Variants in GLT1D1 observed in about 807,000 individuals in gnomAD.
GLT1D1 encodes the protein glycosyltransferase 1 domain containing 1, also known as glycosyltransferase 1 domain-containing protein 1.
Under a neutral mutation model 28.7 loss-of-function variants are expected in GLT1D1, and 21 were observed. The observed-to-expected ratio is 0.73, with a 90% CI of 0.52 to 1.05. GLT1D1 has a LOEUF of 1.05. Ranked by LOEUF, GLT1D1 falls within the 50% of genes least tolerant of loss-of-function variation. The pLI, the probability that GLT1D1 is intolerant of heterozygous loss-of-function variation, is 0.00. For synonymous variants in GLT1D1, 147 were observed against 124.8 expected, an observed-to-expected ratio of 1.18 and a Z score of -1.19; for missense variants, 343 against 330.6, an observed-to-expected ratio of 1.04 and a Z score of -0.29.
chr12:128,962,643 C>T lies in GLT1D1; in HGVS notation c.639+5000C>T, dbSNP rs568052674. Among the ~76,000 whole-genome samples, 36 of 152,234 alleles carry T rather than the reference C, an allele frequency of 2.4e-4. No homozygotes were observed. In the South Asian group the frequency reaches 3.7e-3, roughly 16 times the overall value. On this transcript the variant is annotated intron_variant, in intron 7 of 7. Transcript: ENST00000281703. The stretch of plus-strand genomic sequence containing the variant: ...CTGCTGTTGAAGAGCGGCTGAAAGT[C>T]GATTCTTATGTGGGTATTACCGATT...
chr12:128,934,670 A>C (rs1282487657), intron 4 of GLT1D1, among the ~76,000 whole-genome samples: 1 of 152,152 alleles, frequency 6.6e-6, no homozygotes, highest in East Asian at 1.9e-4. Flanking sequence ...GCCAGCCAAA[A>C]GTTATTGATT....
intron 7 of GLT1D1, among the ~76,000 whole-genome samples, chr12:128,982,608 C>G (rs552060729): frequency 3.0e-4 from 46 of 152,138 alleles, no homozygotes; most frequent in African/African-American, 1.1e-3. Context: ...GACAGCTGGT[C>G]TTGTTGATTG....
intron 6 of GLT1D1, among the ~76,000 whole-genome samples, chr12:128,956,357 C>T (rs1335155350): frequency 2.6e-5 from 4 of 151,908 alleles, no homozygotes; most frequent in Non-Finnish European, 4.4e-5. Context: ...GAATATCTCA[C>T]GGAAGATATT....
intron 4 of GLT1D1, among the ~76,000 whole-genome samples, chr12:128,931,774 A>G (rs1380105829): frequency 6.6e-6 from 1 of 152,242 alleles, no homozygotes; most frequent in Non-Finnish European, 1.5e-5. Flanking sequence ...AGAAGCCACA[A>G]GTCCAGAGGC....
At chr12:128,932,850 T>C (rs1237423185) in intron 4 of GLT1D1, among the ~76,000 whole-genome samples, 1 of 152,102 alleles carries the variant, frequency 6.6e-6, no homozygotes, top group Non-Finnish European at 1.5e-5. Flanking sequence ...AGGTCCTCCA[T>C]ATCTAAGGGA....
At chr12:128,947,511 CCTTCTCCTATTTACGGAGGT>C (rs1184186581) in intron 6 of GLT1D1, 53 bp downstream of exon 10, 1 of 1,601,836 alleles carries the variant, frequency 6.2e-7, no homozygotes, top group Admixed American at 1.7e-5. Flanking sequence ...GTCCATCACT[CCTTCTCCTATTTACGGAGGT>C]GACGTCTTTG....
intron 7 of GLT1D1, among the ~76,000 whole-genome samples, chr12:128,979,091 C>A (rs1880075860): frequency 6.6e-6 from 1 of 152,216 alleles, no homozygotes; most frequent in Admixed American, 6.5e-5. Context: ...CAGGTCTCAG[C>A]CTCAGTTTAC....
chr12:128,981,509 A>G (rs1212598784), intron 7 of GLT1D1, among the ~76,000 whole-genome samples: 1 of 152,242 alleles, frequency 6.6e-6, no homozygotes, highest in South Asian at 2.1e-4. Context: ...ACGACCACCA[A>G]TTTACTATGA....
At chr12:128,959,468 G>C (rs1366627796) in intron 7 of GLT1D1, among the ~76,000 whole-genome samples, 2 of 90,420 alleles carry the variant, frequency 2.2e-5, no homozygotes, top group Admixed American at 1.3e-4. Flanking sequence ...TGGTGGGGGG[G>C]CAGCAAGGGA....
chr12:128,871,084 C>T (rs1031907036), intron 1 of GLT1D1, among the ~76,000 whole-genome samples: 3 of 152,186 alleles, frequency 2.0e-5, no homozygotes, highest in Non-Finnish European at 4.4e-5. Context: ...TGTATCGATT[C>T]TGCATAAGTC....
At chr12:128,904,296 A>T (rs1001209276) in intron 4 of GLT1D1, among the ~76,000 whole-genome samples, 1 of 151,884 alleles carries the variant, frequency 6.6e-6, no homozygotes, top group African/African-American at 2.4e-5. Flanking sequence ...TTTTTAAAAA[A>T]CATAAACACA....
chr12:128,930,942 T>C (rs1873792621), intron 4 of GLT1D1, among the ~76,000 whole-genome samples: 1 of 152,186 alleles, frequency 6.6e-6, no homozygotes, highest in East Asian at 1.9e-4. Flanking sequence ...TGTTTTCATA[T>C]GAAGCAATCA....
chr12:128,963,625 G>A (rs981056091), intron 7 of GLT1D1, among the ~76,000 whole-genome samples: 11 of 152,152 alleles, frequency 7.2e-5, no homozygotes, highest in Admixed American at 6.5e-5. Context: ...CAGCCTGGGT[G>A]AGAGTGAGAC....
chr12:128,982,869 G>T, intron 7 of GLT1D1, 60 bp from the exon 12 acceptor site: 2 of 1,520,430 alleles, frequency 1.3e-6, no homozygotes, highest in Non-Finnish European at 1.8e-6. Flanking sequence ...GATCTTGGGT[G>T]CATTTGCAAA....
intron 4 of GLT1D1, among the ~76,000 whole-genome samples, chr12:128,922,033 G>A (rs1403615191): frequency 6.7e-6 from 1 of 150,252 alleles, no homozygotes; most frequent in South Asian, 2.1e-4. Flanking sequence ...CTGTGTATAT[G>A]AATAGACATT....
At chr12:128,937,906 A>T (rs564327805) in intron 4 of GLT1D1, among the ~76,000 whole-genome samples, 4 of 152,160 alleles carry the variant, frequency 2.6e-5, no homozygotes, top group Non-Finnish European at 5.9e-5. Flanking sequence ...TCCTTTGTAA[A>T]TGATGCAGTC....
At chr12:128,867,558 A>G (rs1453629076) in intron 1 of GLT1D1, among the ~76,000 whole-genome samples, 1 of 152,106 alleles carries the variant, frequency 6.6e-6, no homozygotes, top group African/African-American at 2.4e-5. Flanking sequence ...CTGAAAATGC[A>G]TGAGAGGTTC....
chr12:128,856,746 G>A (rs1188901068), intron 1 of GLT1D1, among the ~76,000 whole-genome samples: 1 of 151,986 alleles, frequency 6.6e-6, no homozygotes, highest in Non-Finnish European at 1.5e-5. Context: ...TGCTTAAGAA[G>A]TAATTACCAC....
chr12:128,917,965 C>T (rs1258601433), intron 4 of GLT1D1, among the ~76,000 whole-genome samples: 2 of 152,166 alleles, frequency 1.3e-5, no homozygotes, highest in South Asian at 2.1e-4. Flanking sequence ...TGGGTATATA[C>T]CCAAAGGAAT....
Sources: allele counts gnomAD v4.1 joint callset (sites outside exome capture counted in the v4.1 genomes callset), GRCh38; gene constraint gnomAD v4.1.1; transcripts MANE v1.5; gene names NCBI Gene and HGNC (gene_info 2026-07-23, HGNC 2026-07-21).